FRMD5: variants seen among roughly 807,000 people sequenced by gnomAD.
The protein encoded by FRMD5 is FERM domain-containing protein 5.
In FRMD5, 20 loss-of-function variants were observed where a neutral mutation model predicts 69.0. The observed-to-expected ratio is 0.29, with a 90% CI of 0.20 to 0.42. FRMD5 has a LOEUF of 0.42. Among genes scored for constraint, FRMD5 ranks in the 10% least tolerant of loss-of-function variants. The probability of loss-of-function intolerance (pLI) is 1.00; values close to 1 mark genes in which losing one functional copy is unlikely to be tolerated. For synonymous variants in FRMD5, 271 were observed against 260.1 expected, an observed-to-expected ratio of 1.04 and a Z score of -0.40; for missense variants, 595 against 708.6, an observed-to-expected ratio of 0.84 and a Z score of 1.82.
intron 1 of FRMD5, among the ~76,000 whole-genome samples, chr15:44,020,292 T>A (rs990490280): frequency 6.6e-6 from 1 of 152,180 alleles, no homozygotes; most frequent in Non-Finnish European, 1.5e-5. Context: ...AGCTTTGTTA[T>A]CACGTTTGCT....
intron 2 of FRMD5, 95 bp from the exon 3 acceptor site, chr15:43,919,904 C>T: frequency 8.6e-7 from 1 of 1,165,462 alleles, no homozygotes; most frequent in African/African-American, 1.5e-5. Context: ...CAGATTGTAG[C>T]CTAGGGTGAA....
At chr15:44,133,502 G>A (rs2077134699) in intron 1 of FRMD5, among the ~76,000 whole-genome samples, 1 of 150,616 alleles carries the variant, frequency 6.6e-6, no homozygotes, top group South Asian at 2.1e-4. Flanking sequence ...CATGAACCTG[G>A]GAGGCAGAGC....
intron 1 of FRMD5, among the ~76,000 whole-genome samples, chr15:44,128,236 T>C (rs1275653783): frequency 1.3e-5 from 2 of 152,186 alleles, no homozygotes; most frequent in East Asian, 1.9e-4. Flanking sequence ...TCTCAGCACT[T>C]TGGGAGGCCG....
intron 1 of FRMD5, among the ~76,000 whole-genome samples, chr15:44,060,015 C>T (rs1053911066): frequency 2.6e-5 from 4 of 152,174 alleles, no homozygotes; most frequent in African/African-American, 9.7e-5. Flanking sequence ...AGCCTTCTTC[C>T]AATCTGCTGA....
At chr15:44,195,374 A>T (rs1246887593), upstream of FRMD5, 3 of 400,766 alleles carry the variant, frequency 7.5e-6, no homozygotes, top group Non-Finnish European at 1.3e-5. Context: ...GCAGACCGAA[A>T]AGCCAATCGA....
intron 1 of FRMD5, among the ~76,000 whole-genome samples, chr15:44,050,245 A>T (rs1892598624): frequency 6.6e-6 from 1 of 152,212 alleles, no homozygotes; most frequent in African/African-American, 2.4e-5. Context: ...AAAAAAAGAG[A>T]GTGGTTACAT....
intron 9 of FRMD5, 112 bp from the exon 10 acceptor site, chr15:43,888,378 G>T: frequency 1.4e-6 from 1 of 703,280 alleles, no homozygotes; most frequent in Non-Finnish European, 2.5e-6. Context: ...TGGCTAGTTA[G>T]AGGGGAGGGC....
intron 1 of FRMD5, among the ~76,000 whole-genome samples, chr15:44,161,782 T>G (rs1441221176): frequency 6.6e-6 from 1 of 152,178 alleles, no homozygotes; most frequent in African/African-American, 2.4e-5. Flanking sequence ...CTATACCGTA[T>G]CTTCCTCTCC....
At chr15:44,181,352 T>G (rs2077997704) in intron 1 of FRMD5, among the ~76,000 whole-genome samples, 1 of 151,946 alleles carries the variant, frequency 6.6e-6, no homozygotes. Context: ...CTTTTTACAT[T>G]TTTTTATTAT....
chr15:44,038,458 A>G (rs1237953759), intron 1 of FRMD5, among the ~76,000 whole-genome samples: 1 of 140,034 alleles, frequency 7.1e-6, no homozygotes, highest in Non-Finnish European at 1.5e-5. Context: ...TCTTGGGTTA[A>G]TTTTTGTATA....
At chr15:43,912,359 C>T (rs2089304000) in intron 4 of FRMD5, among the ~76,000 whole-genome samples, 1 of 152,130 alleles carries the variant, frequency 6.6e-6, no homozygotes, top group South Asian at 2.1e-4. Context: ...CCAAATCAAG[C>T]TCGTCTTCAC....
At chr15:43,906,836 C>G (rs866256455) in intron 5 of FRMD5, among the ~76,000 whole-genome samples, 1 of 151,080 alleles carries the variant, frequency 6.6e-6, no homozygotes, top group African/African-American at 2.5e-5. Flanking sequence ...CTCCTGACCT[C>G]GTGATCCGCC....
rs2089454198 is a variant in FRMD5 at position 43,919,453 on chromosome 15, C to T, written c.329+6G>A. 1 of 1,613,610 alleles carries T rather than the reference C, an allele frequency of 6.2e-7. No individual in the cohort carries two copies. Among genetic ancestry groups the T allele is most frequent in the East Asian group, 2.2e-5 (1 of 44,886 alleles). On this transcript the variant is annotated splice_donor_region_variant and intron_variant, in intron 4 of 13. Coordinates refer to ENST00000417257, the MANE Select transcript of FRMD5 (RefSeq NM_032892.5). ...CTAATGGCTGCGGGAAGCATGTTCA[C>T]CTCACCTGGTTATTTCTTCTTTCAG... is the stretch of plus-strand genomic sequence containing the variant.
intron 6 of FRMD5, among the ~76,000 whole-genome samples, chr15:43,903,240 T>A (rs1295086045): frequency 1.3e-5 from 2 of 152,044 alleles, no homozygotes; most frequent in Non-Finnish European, 2.9e-5. Context: ...TGAGGAGGGG[T>A]GGGCAGCTTG....
chr15:44,045,856 T>C (rs1037142915), intron 1 of FRMD5, among the ~76,000 whole-genome samples: 2 of 152,186 alleles, frequency 1.3e-5, no homozygotes, highest in African/African-American at 4.8e-5. Context: ...ATCTGACTAA[T>C]AGGAAATGCA....
At chr15:44,106,360 C>G (rs913696615) in intron 1 of FRMD5, among the ~76,000 whole-genome samples, 15 of 152,266 alleles carry the variant, frequency 9.9e-5, no homozygotes, top group African/African-American at 3.4e-4. Context: ...TCTCTAAGAA[C>G]TGTTCCCTGC....
At chr15:44,148,362 C>T (rs1290006875) in intron 1 of FRMD5, among the ~76,000 whole-genome samples, 2 of 152,020 alleles carry the variant, frequency 1.3e-5, no homozygotes, top group Non-Finnish European at 2.9e-5. Flanking sequence ...AGCTCTGCCT[C>T]CCGGGTTCAC....
intron 1 of FRMD5, among the ~76,000 whole-genome samples, chr15:43,949,427 A>C (rs543171648): frequency 6.6e-6 from 1 of 152,162 alleles, no homozygotes; most frequent in African/African-American, 2.4e-5. Context: ...ACTTCCTACT[A>C]AACTGTGAGC....
chr15:43,885,809 T>G, intron 10 of FRMD5, 54 bp from the exon 11 acceptor site: 1 of 1,374,648 alleles, frequency 7.3e-7, no homozygotes, highest in Non-Finnish European at 1.0e-6. Context: ...CTCACACAGG[T>G]TAAGGCAGCA....
Sources: allele counts gnomAD v4.1 joint callset (sites outside exome capture counted in the v4.1 genomes callset), GRCh38; gene constraint gnomAD v4.1.1; transcripts MANE v1.5; gene names NCBI Gene and HGNC (gene_info 2026-07-23, HGNC 2026-07-21).